The following BSDC1 variants were observed in gnomAD, a reference collection of about 807,000 sequenced individuals.
The protein encoded by BSDC1 is BSD domain-containing protein 1.
In BSDC1, 29 loss-of-function variants were observed where a neutral mutation model predicts 56.0. That is an observed-to-expected ratio of 0.52 (90% confidence interval 0.39 to 0.71). The LOEUF (loss-of-function observed/expected upper bound fraction) is 0.71, where lower values mean the gene tolerates loss of function less well. BSDC1 is among the 30% of genes least tolerant of loss of function. BSDC1 has a pLI of 0.00. For missense variants in BSDC1, 477 were observed against 548.5 expected (o/e 0.87, Z 1.30); for synonymous variants, 210 against 215.3 (o/e 0.98, Z 0.21).
intron 9 of BSDC1, among the ~76,000 whole-genome samples, chr1:32,373,859 A>G (rs776580118): frequency 2.0e-5 from 3 of 152,174 alleles, no homozygotes; most frequent in Non-Finnish European, 4.4e-5. Flanking sequence ...TTACCTGGCT[A>G]AACTTGAACC....
At chr1:32,377,853 T>C (rs757255199) in intron 8 of BSDC1, 117 bp downstream of exon 8, 73 of 930,526 alleles carry the variant, frequency 7.8e-5, no homozygotes, top group Middle Eastern at 2.2e-4. Flanking sequence ...ACAATGTGCT[T>C]GTTCCCTACT....
At chr1:32,383,385 G>A (rs1163847063) in intron 4 of BSDC1, among the ~76,000 whole-genome samples, 1 of 151,614 alleles carries the variant, frequency 6.6e-6, no homozygotes, top group East Asian at 1.9e-4. Flanking sequence ...AGTCGGGGCT[G>A]CAATGAGCCA....
In BSDC1 at chr1:32,368,536, T is replaced by C. The variant is rs145781821; in HGVS notation, c.1171A>G (p.Ile391Val). Reference protein sequence around the residue: ...NNGKKGSSTDISEDWEKDFDL... With the variant: ...NNGKKGSSTDVSEDWEKDFDL... Reference sequence around the variant, plus strand: ...AAGTCTTTCTCCCAGTCCTCACTGATGTCCGTGCTTGAGCCTGGAACCACG... The same window carrying C: ...AAGTCTTTCTCCCAGTCCTCACTGACGTCCGTGCTTGAGCCTGGAACCACG... Residue 391 changes from isoleucine (I) to valine (V), a missense_variant, in exon 10 of 11, where the codon ATC becomes GTC. Transcript: ENST00000455895. 207 of 1,614,016 alleles carry C rather than the reference T, an allele frequency of 1.3e-4. No individual in the cohort carries two copies. The Middle Eastern group carries it at 1.6e-3, about 13-fold the overall frequency.
At chr1:32,389,534 G>T (rs1642792586) in intron 2 of BSDC1, among the ~76,000 whole-genome samples, 2 of 152,190 alleles carry the variant, frequency 1.3e-5, no homozygotes, top group African/African-American at 4.8e-5. Context: ...TGGGGAAAAT[G>T]GTCCCATGAT....
chr1:32,367,319 G>A, intron 10 of BSDC1: 10 of 985,476 alleles, frequency 1.0e-5, no homozygotes, highest in Non-Finnish European at 1.2e-5. Flanking sequence ...AGGTTTTAAA[G>A]GGGGCTGCAA....
chr1:32,381,080 A>G, intron 5 of BSDC1, 134 bp downstream of exon 5: 8 of 784,364 alleles, frequency 1.0e-5, no homozygotes, highest in Non-Finnish European at 1.5e-5. Context: ...AGTATAAGGT[A>G]CACACTAGTC....
intron 2 of BSDC1, among the ~76,000 whole-genome samples, chr1:32,388,042 T>C (rs1442000986): frequency 6.6e-6 from 1 of 152,166 alleles, no homozygotes; most frequent in Admixed American, 6.5e-5. Flanking sequence ...AAGCAGACCC[T>C]CAGCTCACTT....
intron 2 of BSDC1, among the ~76,000 whole-genome samples, chr1:32,392,405 C>T (rs977151803): frequency 1.3e-5 from 2 of 152,278 alleles, no homozygotes; most frequent in Middle Eastern, 3.4e-3. Context: ...AGGGAAATTA[C>T]GTCTTTTCTT....
intron 8 of BSDC1, among the ~76,000 whole-genome samples, chr1:32,377,269 G>A (rs1318736509): frequency 6.6e-6 from 1 of 152,220 alleles, no homozygotes; most frequent in African/African-American, 2.4e-5. Flanking sequence ...TTCCAGCAAT[G>A]CAGTCCAAGG....
Position 32,369,153 on chromosome 1 carries a change from G to A in BSDC1, c.1157-603C>T, listed in dbSNP as rs1404052371. On this transcript the variant is annotated intron_variant, in intron 9 of 10. Coordinates refer to ENST00000455895, the MANE Select transcript of BSDC1 (RefSeq NM_018045.8). ...TAGACAAGTAAACAGTGAGTTACAT[G>A]GTGGAACACTGTAGGCTGTTAGAGG... 1.2e-5 allele frequency: 8 copies of A among 680,124 alleles called. No homozygotes were observed. The Admixed American group carries it at 2.5e-4, about 21-fold the overall frequency. The allele number at this position is 680,124 out of a possible 1,614,324, so 42.1% of individuals were successfully genotyped here.
chr1:32,390,558 G>A (rs759780021), intron 2 of BSDC1, among the ~76,000 whole-genome samples: 3 of 152,148 alleles, frequency 2.0e-5, no homozygotes, highest in East Asian at 3.9e-4. Flanking sequence ...CTTTGGGCAC[G>A]CAGAACTTGA....
At chr1:32,366,947 G>A in intron 10 of BSDC1, 1 of 1,169,428 alleles carries the variant, frequency 8.6e-7, no homozygotes, top group Non-Finnish European at 1.1e-6. Flanking sequence ...AACCAAGTCA[G>A]CCTCAGTCCT....
chr1:32,385,058 A>C (rs1642618591), intron 3 of BSDC1, among the ~76,000 whole-genome samples: 1 of 152,250 alleles, frequency 6.6e-6, no homozygotes, highest in African/African-American at 2.4e-5. Context: ...TAACATGAGT[A>C]ATTAATTACA....
chr1:32,375,109 G>A (rs1295728453), intron 9 of BSDC1, among the ~76,000 whole-genome samples: 2 of 151,862 alleles, frequency 1.3e-5, no homozygotes, highest in Non-Finnish European at 2.9e-5. Context: ...CCGAGATCGC[G>A]CCACTGCACT....
intron 4 of BSDC1, among the ~76,000 whole-genome samples, chr1:32,382,289 T>C (rs892889179): frequency 1.4e-5 from 2 of 147,106 alleles, no homozygotes; most frequent in Non-Finnish European, 3.0e-5. Flanking sequence ...CTAGGCAACA[T>C]GGGGAAACCC....
In BSDC1 at chr1:32,384,033, G is replaced by A. The variant is rs144370018; in HGVS notation, c.190-36C>T. 1.2e-4 allele frequency: 198 copies of A among 1,612,640 alleles called. No individual in the cohort carries two copies. The highest frequency in any genetic ancestry group is 1.6e-4 in the Non-Finnish European group (193 of 1,179,978). The stretch of plus-strand genomic sequence containing the variant: ...AACGGGCAGAGGAAGCAAGCGCCCC[G>A]GGAACAGGCTGCAATCTGGGGTATG... On this transcript the variant is annotated intron_variant, in intron 3 of 10. Coordinates refer to ENST00000455895, the MANE Select transcript of BSDC1 (RefSeq NM_018045.8).
At position 32,392,876 on chromosome 1, in the gene BSDC1, C is replaced by G. The variant is rs1390467875; in HGVS notation, c.72+1204G>C. ...GTGAGGAGTTCGAGACCAGTCTGGC[C>G]AACATGGTGAAACCCTGTCTCTACT... On this transcript the variant is annotated intron_variant, in intron 2 of 10. Transcript: ENST00000455895. Among the ~76,000 whole-genome samples, 4 of 152,164 alleles carry G rather than the reference C, an allele frequency of 2.6e-5. No individual in the cohort carries two copies. The East Asian group carries it at 7.7e-4, about 29-fold the overall frequency.
chr1:32,367,367 G>A, intron 10 of BSDC1: 1 of 985,464 alleles, frequency 1.0e-6, no homozygotes, highest in South Asian at 4.7e-5. Context: ...GGCCTGACAG[G>A]GCACTATGGG....
At position 32,394,430 on chromosome 1, in the gene BSDC1, T is replaced by C. The variant is rs1192809279; in HGVS notation, c.-16A>G. Reference sequence around the variant, plus strand: ...CTTCCGCCATCTTGCCTGCATGACATCACCACTATTTACTGACCTTTGACT... The same window carrying C: ...CTTCCGCCATCTTGCCTGCATGACACCACCACTATTTACTGACCTTTGACT... On this transcript the variant is annotated 5_prime_UTR_variant, in exon 1 of 11. It removes an upstream start codon present in the reference 5' UTR. Coordinates refer to ENST00000455895, the MANE Select transcript of BSDC1 (RefSeq NM_018045.8). The C allele has an allele frequency of 1.2e-6, 2 of 1,614,048 alleles. No homozygotes were observed. Among genetic ancestry groups the C allele is most frequent in the Non-Finnish European group, 1.7e-6 (2 of 1,180,002 alleles).
Sources: allele counts gnomAD v4.1 joint callset (sites outside exome capture counted in the v4.1 genomes callset), GRCh38; gene constraint gnomAD v4.1.1; transcripts MANE v1.5; gene names NCBI Gene and HGNC (gene_info 2026-07-23, HGNC 2026-07-21).